The following THSD4 variants were observed in gnomAD, a reference collection of about 807,000 sequenced individuals.
THSD4 encodes the protein thrombospondin type-1 domain-containing protein 4.
In THSD4, 69 loss-of-function variants were observed where a neutral mutation model predicts 119.0. That is an observed-to-expected ratio of 0.58 (90% confidence interval 0.48 to 0.71). The LOEUF (loss-of-function observed/expected upper bound fraction) is 0.71. Ranked by LOEUF, THSD4 falls within the 30% of genes least tolerant of loss-of-function variation. THSD4 has a pLI of 0.00. For missense variants in THSD4, 1,393 were observed against 1,391.1 expected (o/e 1.00, Z -0.02); for synonymous variants, 524 against 540.4 (o/e 0.97, Z 0.42).
intron 1 of THSD4, among the ~76,000 whole-genome samples, chr15:71,116,069 C>T (rs899603969): frequency 5.9e-5 from 9 of 152,210 alleles, no homozygotes; most frequent in Non-Finnish European, 1.0e-4. Flanking sequence ...CGGAGGGGAC[C>T]GGCGAGTGCA....
At chr15:71,148,180 G>A (rs944316701) in intron 2 of THSD4, among the ~76,000 whole-genome samples, 7 of 152,074 alleles carry the variant, frequency 4.6e-5, no homozygotes, top group Admixed American at 2.0e-4. Flanking sequence ...GCCTTTTCCC[G>A]GGGCCTGTTG....
At chr15:71,745,315 T>C in intron 12 of THSD4, 80 bp downstream of exon 12, 1 of 1,531,216 alleles carries the variant, frequency 6.5e-7, no homozygotes, top group Non-Finnish European at 8.8e-7. Context: ...GGAACAGATA[T>C]AAGTCAGTCT....
At position 71,741,278 on chromosome 15, in the gene THSD4, G is replaced by T. The variant is rs148195826; in HGVS notation, c.1906+3271G>T. On this transcript the variant is annotated intron_variant, in intron 11 of 17. Coordinates refer to ENST00000261862, the MANE Select transcript of THSD4 (RefSeq NM_024817.3). ...GGCCAAGGCAGGTGTATCACTTGAGGTCAGGAGTTCAAGAGCAGCCTGGCC... is the reference window on the plus strand; with the variant it reads ...GGCCAAGGCAGGTGTATCACTTGAGTTCAGGAGTTCAAGAGCAGCCTGGCC... Among the ~76,000 whole-genome samples the T allele has an allele frequency of 4.0e-3, 602 of 152,182 alleles. 3 individuals are homozygous for T. Among genetic ancestry groups the T allele is most frequent in the Middle Eastern group, 6.8e-3 (2 of 294 alleles).
chr15:71,315,316 C>A (rs2045171152), intron 6 of THSD4, among the ~76,000 whole-genome samples: 1 of 152,258 alleles, frequency 6.6e-6, no homozygotes, highest in Admixed American at 6.5e-5. Flanking sequence ...TGCCCAAAAC[C>A]TGGACTTTTA....
chr15:71,699,610 C>A (rs1221667038), intron 8 of THSD4, among the ~76,000 whole-genome samples: 1 of 152,146 alleles, frequency 6.6e-6, no homozygotes, highest in Non-Finnish European at 1.5e-5. Flanking sequence ...GCTTTCTATA[C>A]CATACTTTCA....
Position 71,777,317 on chromosome 15 carries a change from C to T in THSD4, c.3000C>T (p.Cys1000=). ...TCTACAACTACTACAAGACCGCCTG[C>T]TGTGCCTCCTGCACCCGTGTGGCCA... is the stretch of plus-strand genomic sequence containing the variant. ...LCVYNYYKTA[C]CASCTRVANR... is the part of the protein sequence containing the mutation. Residue 1000 remains cysteine, a synonymous_variant, in exon 18 of 18, where the codon TGC becomes TGT. Coordinates refer to ENST00000261862, the MANE Select transcript of THSD4 (RefSeq NM_024817.3). The T allele has an allele frequency of 1.2e-6, 2 of 1,614,252 alleles. No homozygotes were observed. Among genetic ancestry groups the T allele is most frequent in the Non-Finnish European group, 1.7e-6 (2 of 1,180,048 alleles).
At chr15:71,773,148 G>A (rs2053850658) in intron 17 of THSD4, among the ~76,000 whole-genome samples, 1 of 141,686 alleles carries the variant, frequency 7.1e-6, no homozygotes, top group East Asian at 2.0e-4. Context: ...CTGCAGTGAG[G>A]TGCAATCGCA....
chr15:71,752,309 G>A (rs1180049267), intron 14 of THSD4, among the ~76,000 whole-genome samples: 1 of 152,224 alleles, frequency 6.6e-6, no homozygotes, highest in East Asian at 1.9e-4. Context: ...ATGACTTGCA[G>A]ATTTCCCCTT....
At chr15:71,110,789 T>G (rs1195680425), upstream of THSD4, 1 of 275,664 alleles carries the variant, frequency 3.6e-6, no homozygotes, top group Non-Finnish European at 6.9e-6. Context: ...CGCTGTCCCC[T>G]TTGACTTTGG....
At chr15:71,697,799 C>T (rs2052195413) in intron 8 of THSD4, among the ~76,000 whole-genome samples, 2 of 152,180 alleles carry the variant, frequency 1.3e-5, no homozygotes, top group Non-Finnish European at 2.9e-5. Flanking sequence ...ATTTGTAGAA[C>T]ATCATATCTT....
At chr15:71,640,655 C>T (rs1472166784) in intron 7 of THSD4, among the ~76,000 whole-genome samples, 1 of 152,124 alleles carries the variant, frequency 6.6e-6, no homozygotes, top group East Asian at 1.9e-4. Flanking sequence ...ATATCTTAAT[C>T]TTTGATTTCT....
chr15:71,384,581 G>A (rs2046272298), intron 6 of THSD4, among the ~76,000 whole-genome samples: 1 of 152,128 alleles, frequency 6.6e-6, no homozygotes, highest in African/African-American at 2.4e-5. Context: ...AGTTGCTTCA[G>A]TTTTTTATTT....
chr15:71,353,704 G>T (rs756515661), intron 6 of THSD4, among the ~76,000 whole-genome samples: 1 of 152,214 alleles, frequency 6.6e-6, no homozygotes, highest in Non-Finnish European at 1.5e-5. Context: ...GAGGAGCCAG[G>T]ATTTGTAGAA....
chr15:71,754,010 A>T, intron 14 of THSD4, among the ~76,000 whole-genome samples: 1 of 152,106 alleles, frequency 6.6e-6, no homozygotes, highest in Admixed American at 6.5e-5. Context: ...TCAGATGGAA[A>T]TTACTTGGAA....
chr15:71,326,145 C>A (rs1209694964), intron 6 of THSD4, among the ~76,000 whole-genome samples: 1 of 152,122 alleles, frequency 6.6e-6, no homozygotes, highest in Admixed American at 6.5e-5. Flanking sequence ...TGGTTTGAAC[C>A]CAGACTTGGC....
intron 5 of THSD4, among the ~76,000 whole-genome samples, chr15:71,249,884 AC>A (rs2044242663): frequency 1.3e-5 from 1 of 79,586 alleles, no homozygotes; most frequent in African/African-American, 5.3e-5. Context: ...TGAAGAATTG[AC>A]CCCCTTTCCT....
At chr15:71,445,643 C>T (rs953545253) in intron 7 of THSD4, among the ~76,000 whole-genome samples, 20 of 152,198 alleles carry the variant, frequency 1.3e-4, no homozygotes, top group African/African-American at 4.8e-4. Context: ...TCTGTTTTCT[C>T]AGATGATCCT....
At chr15:71,529,216 T>G (rs1049526506) in intron 7 of THSD4, among the ~76,000 whole-genome samples, 5 of 152,196 alleles carry the variant, frequency 3.3e-5, no homozygotes, top group African/African-American at 9.7e-5. Context: ...CTGCCCACCA[T>G]CTGAGTTTTA....
chr15:71,481,327 A>G (rs541203946), intron 7 of THSD4, among the ~76,000 whole-genome samples: 3 of 152,360 alleles, frequency 2.0e-5, no homozygotes, highest in Admixed American at 1.3e-4. Flanking sequence ...AAGTATGCTT[A>G]TAAAATCAGA....
Sources: allele counts gnomAD v4.1 joint callset (sites outside exome capture counted in the v4.1 genomes callset), GRCh38; gene constraint gnomAD v4.1.1; transcripts MANE v1.5; gene names NCBI Gene and HGNC (gene_info 2026-07-23, HGNC 2026-07-21).